Variants in SCARA5 observed in about 807,000 individuals in gnomAD.
SCARA5 encodes scavenger receptor class A, member 5 (putative).
Under a neutral mutation model 46.3 loss-of-function variants are expected in SCARA5, and 45 were observed. The observed-to-expected ratio is 0.97, with a 90% CI of 0.76 to 1.24. The LOEUF is 1.24. SCARA5 is among the 50% of genes most tolerant of loss of function. The probability of loss-of-function intolerance (pLI) is 0.00; values close to 1 mark genes in which losing one functional copy is unlikely to be tolerated. For synonymous variants in SCARA5, 333 were observed against 306.5 expected (o/e 1.09, Z -0.90); for missense variants, 680 against 689.0 (o/e 0.99, Z 0.15).
intron 3 of SCARA5, among the ~76,000 whole-genome samples, chr8:27,954,931 G>A (rs1808183811): frequency 6.6e-6 from 1 of 152,184 alleles, no homozygotes; most frequent in East Asian, 1.9e-4. Context: ...ATGTCTCACA[G>A]AAGACAGCCT....
At chr8:27,933,736 G>A (rs1807813279) in intron 3 of SCARA5, among the ~76,000 whole-genome samples, 1 of 152,046 alleles carries the variant, frequency 6.6e-6, no homozygotes, top group African/African-American at 2.4e-5. Context: ...TCAAAACAGG[G>A]GAAACCTTTC....
intron 7 of SCARA5, chr8:27,885,974 A>G (rs1374296670): frequency 6.5e-6 from 1 of 154,730 alleles, no homozygotes; most frequent in African/African-American, 2.4e-5. Flanking sequence ...CAAAGCATCA[A>G]TTTCAAGGAT....
intron 4 of SCARA5, among the ~76,000 whole-genome samples, chr8:27,920,456 A>C (rs892974714): frequency 6.6e-6 from 1 of 151,954 alleles, no homozygotes; most frequent in Non-Finnish European, 1.5e-5. Flanking sequence ...TCTACTAAAA[A>C]TACAAAAATT....
intron 8 of SCARA5, among the ~76,000 whole-genome samples, chr8:27,874,481 A>G (rs987800833): frequency 6.6e-6 from 1 of 152,220 alleles, no homozygotes; most frequent in African/African-American, 2.4e-5. Context: ...TGCTTTTATA[A>G]ATAAAGTTGT....
intron 3 of SCARA5, among the ~76,000 whole-genome samples, chr8:27,955,615 G>A (rs1341391280): frequency 1.3e-5 from 2 of 152,190 alleles, no homozygotes; most frequent in African/African-American, 2.4e-5. Context: ...GACAGACCAG[G>A]GAGGGCCACT....
intron 3 of SCARA5, among the ~76,000 whole-genome samples, chr8:27,942,380 A>G (rs1807964822): frequency 6.6e-6 from 1 of 152,192 alleles, no homozygotes; most frequent in Admixed American, 6.5e-5. Flanking sequence ...CTTTCCAAAG[A>G]GATCCAGAAC....
In SCARA5 at chr8:27,921,626, C is replaced by G. The variant is rs771642179; in HGVS notation, c.861G>C (p.Leu287=). 15 of 1,598,556 alleles carry G rather than the reference C, an allele frequency of 9.4e-6. No individual in the cohort carries two copies. Among genetic ancestry groups the G allele is most frequent in the Non-Finnish European group, 1.2e-5 (14 of 1,171,312 alleles). The change falls in exon 4 of 9, where the codon CTG becomes CTC. Residue 287 remains leucine (L), a synonymous_variant. Coordinates refer to ENST00000354914, the MANE Select transcript of SCARA5 (RefSeq NM_173833.6). ...TGGAGTGCTCCCAGTCCTTGAGGCG[C>G]AGGTCCTCGGTGACCGCGTTGAGCA... ...LAMLNAVTED[L]RLKDWEHSIA... is the part of the protein sequence containing the mutation.
At chr8:27,978,028 T>G (rs1485618805) in intron 2 of SCARA5, among the ~76,000 whole-genome samples, 4 of 124,654 alleles carry the variant, frequency 3.2e-5, no homozygotes, top group Non-Finnish European at 6.8e-5. Flanking sequence ...TCTTTTGTTT[T>G]TTTTTTTTTT....
chr8:27,924,765 A>C (rs1807654674), intron 3 of SCARA5, among the ~76,000 whole-genome samples: 1 of 152,222 alleles, frequency 6.6e-6, no homozygotes, highest in African/African-American at 2.4e-5. Context: ...AATCTCCTTA[A>C]GCTGATAAGC....
chr8:27,941,307 C>T (rs1020125995), intron 3 of SCARA5, among the ~76,000 whole-genome samples: 3 of 152,178 alleles, frequency 2.0e-5, no homozygotes, highest in African/African-American at 7.2e-5. Flanking sequence ...GGAATGTTGA[C>T]CTTGGAGTCC....
chr8:27,987,454 C>T (rs759900656), intron 2 of SCARA5, 50 bp downstream of exon 2: 2 of 1,353,924 alleles, frequency 1.5e-6, no homozygotes, highest in Non-Finnish European at 1.1e-6. Flanking sequence ...GGCTCCTTCC[C>T]CACCCCCAGG....
chr8:27,963,159 C>T (rs549661870), intron 3 of SCARA5, among the ~76,000 whole-genome samples: 2 of 152,252 alleles, frequency 1.3e-5, no homozygotes, highest in South Asian at 4.1e-4. Flanking sequence ...GAGATGGTTC[C>T]TGATGACCAC....
chr8:27,973,591 A>G (rs1041824301), intron 2 of SCARA5, among the ~76,000 whole-genome samples: 7 of 152,224 alleles, frequency 4.6e-5, no homozygotes, highest in Non-Finnish European at 1.0e-4. Context: ...ACTGGAACAG[A>G]ATAGATACTT....
Position 27,922,174 on chromosome 8 carries a change from A to C in SCARA5, c.313T>G (p.Phe105Val). ...TRNVNRLNES[F>V]RDLQLRLLQA... ...AGCAGCCGCAGCTGCAAGTCCCGGA[A>C]GCTCTCATTCAGCCGGTTCACATTG... The change falls in exon 4 of 9, where the codon TTC (phenylalanine) becomes GTC (valine). Residue 105 changes from phenylalanine to valine, a missense_variant. Transcript: ENST00000354914. The C allele has an allele frequency of 6.2e-7, 1 of 1,607,656 alleles. No individual in the cohort carries two copies. Among genetic ancestry groups the C allele is most frequent in the Non-Finnish European group, 8.5e-7 (1 of 1,177,848 alleles).
intron 3 of SCARA5, among the ~76,000 whole-genome samples, chr8:27,955,345 C>G (rs1309846630): frequency 6.6e-6 from 1 of 152,222 alleles, no homozygotes; most frequent in East Asian, 1.9e-4. Context: ...CCCTGCATCC[C>G]TTGGATTGCT....
intron 8 of SCARA5, among the ~76,000 whole-genome samples, chr8:27,876,453 C>A (rs1806725395): frequency 6.6e-6 from 1 of 152,124 alleles, no homozygotes; most frequent in East Asian, 1.9e-4. Context: ...GGGGACCAAC[C>A]TGATGTGGGG....
chr8:27,936,259 C>T (rs1807855703), intron 3 of SCARA5, among the ~76,000 whole-genome samples: 1 of 152,004 alleles, frequency 6.6e-6, no homozygotes, highest in South Asian at 2.1e-4. Context: ...TGAATGCCTC[C>T]CTGAGCTGGC....
chr8:27,873,801 C>T (rs978363835), intron 8 of SCARA5, among the ~76,000 whole-genome samples: 3 of 152,202 alleles, frequency 2.0e-5, no homozygotes, highest in Admixed American at 1.3e-4. Context: ...GAGGGCAGAT[C>T]GTTGAGATCA....
chr8:27,879,782 A>G lies in SCARA5; in HGVS notation c.1154-16T>C. 2 of 1,611,606 alleles carry G rather than the reference A, an allele frequency of 1.2e-6. No individual in the cohort carries two copies. Among genetic ancestry groups the G allele is most frequent in the South Asian group, 1.1e-5 (1 of 91,012 alleles). Reference sequence around the variant, plus strand: ...TCCACGCCACCTGCCGGAGCAGCCAACTGTCACTACCCAGCTCTAGATACA... The same window carrying G: ...TCCACGCCACCTGCCGGAGCAGCCAGCTGTCACTACCCAGCTCTAGATACA... On this transcript the variant is annotated splice_polypyrimidine_tract_variant and intron_variant, in intron 7 of 8. Coordinates refer to ENST00000354914, the MANE Select transcript of SCARA5 (RefSeq NM_173833.6).
Sources: allele counts gnomAD v4.1 joint callset (sites outside exome capture counted in the v4.1 genomes callset), GRCh38; gene constraint gnomAD v4.1.1; transcripts MANE v1.5; gene names NCBI Gene and HGNC (gene_info 2026-07-23, HGNC 2026-07-21).